Variants in TBCK observed in about 807,000 individuals in gnomAD.
TBCK encodes TBC1 domain containing kinase.
TBCK carries 99 observed loss-of-function variants against 113.4 expected under a neutral mutation model. The observed-to-expected ratio is 0.87, with a 90% CI of 0.74 to 1.03. The LOEUF is 1.03. TBCK is among the 50% of genes least tolerant of loss of function. TBCK has a pLI of 0.00. For synonymous variants in TBCK, 369 were observed against 370.8 expected, an observed-to-expected ratio of 1.00 and a Z score of 0.05; for missense variants, 1,045 against 1,061.3, an observed-to-expected ratio of 0.98 and a Z score of 0.21.
At chr4:106,075,009 G>A (rs1381333631) in intron 25 of TBCK, among the ~76,000 whole-genome samples, 1 of 152,210 alleles carries the variant, frequency 6.6e-6, no homozygotes, top group Non-Finnish European at 1.5e-5. Flanking sequence ...GCTTCCTGGG[G>A]TGAATAAGGT....
chr4:106,241,968 A>G (rs1760190988), intron 12 of TBCK, among the ~76,000 whole-genome samples: 1 of 151,942 alleles, frequency 6.6e-6, no homozygotes, highest in Non-Finnish European at 1.5e-5. Flanking sequence ...TTTCCATGAC[A>G]TACAGCTCAC....
At chr4:106,061,997 TG>T (rs1736110837) in intron 25 of TBCK, among the ~76,000 whole-genome samples, 1 of 151,818 alleles carries the variant, frequency 6.6e-6, no homozygotes. Context: ...ATGGCATTTA[TG>T]TGGAACACTT....
At chr4:106,282,504 AT>A (rs549436331) in intron 3 of TBCK, among the ~76,000 whole-genome samples, 3 of 149,634 alleles carry the variant, frequency 2.0e-5, no homozygotes, top group Admixed American at 1.3e-4. Flanking sequence ...ATATTCTTTG[AT>A]TTTTTTTAAC....
Position 106,046,692 on chromosome 4 carries a change from AAG to A in TBCK, c.2572-14_2572-13del, listed in dbSNP as rs1435132262. ...AGGTGAGCTGCAAACTGGAAAAAAA[AAG>A]AGGCAAAATTTTTAGAGGATATACA... On this transcript the variant is annotated splice_polypyrimidine_tract_variant and intron_variant, in intron 25 of 25. Transcript: ENST00000394708. 6.6e-7 allele frequency: 1 copy of A among 1,511,270 alleles called. No individual in the cohort carries two copies. The highest frequency in any genetic ancestry group is 9.2e-7 in the Non-Finnish European group (1 of 1,091,806). 93.6% of individuals were successfully genotyped at this position (1,511,270 alleles called of 1,614,324 possible). A position where few individuals can be genotyped will look rare whatever the true frequency, so the allele number is the denominator to read the frequency against.
chr4:106,174,536 T>G (rs73838130), intron 22 of TBCK, among the ~76,000 whole-genome samples: 2,774 of 152,236 alleles, frequency 0.018, 78 homozygotes, highest in African/African-American at 0.061. Context: ...ATCCCTGTAT[T>G]ATGAAATTTC....
intron 25 of TBCK, among the ~76,000 whole-genome samples, chr4:106,052,796 C>A (rs1179803343): frequency 1.3e-5 from 2 of 151,498 alleles, no homozygotes; most frequent in Non-Finnish European, 3.0e-5. Flanking sequence ...AAAGGTATAA[C>A]GAGCTGCTAG....
Position 106,294,767 on chromosome 4 carries a change from C to CA in TBCK, c.266+326dup, listed in dbSNP as rs1314436703. On this transcript the variant is annotated intron_variant, in intron 3 of 25. Coordinates refer to ENST00000394708, the MANE Select transcript of TBCK (RefSeq NM_001163435.3). ...AAGTGCTGGCATTACAGGCGTGAGC[C>CA]ACCACGCCTGGCCAGGAAAATAATC... Among the ~76,000 whole-genome samples the CA allele has an allele frequency of 4.6e-5, 7 of 152,132 alleles. No homozygotes were observed. In the East Asian group the frequency reaches 1.4e-3, roughly 30 times the overall value.
At chr4:106,311,200 TACACAC>T (rs36011277) in intron 1 of TBCK, among the ~76,000 whole-genome samples, 13,380 of 138,134 alleles carry the variant, frequency 0.097, 819 homozygotes, top group East Asian at 0.22. Flanking sequence ...CAGAAACTCC[TACACAC>T]ACACACACAC....
chr4:106,048,852 G>A (rs1734494847), intron 25 of TBCK, among the ~76,000 whole-genome samples: 1 of 152,112 alleles, frequency 6.6e-6, no homozygotes, highest in Non-Finnish European at 1.5e-5. Context: ...CTGCTACTGA[G>A]CTGGAAAATG....
At chr4:106,147,012 A>G (rs115909484) in intron 23 of TBCK, among the ~76,000 whole-genome samples, 1 of 152,170 alleles carries the variant, frequency 6.6e-6, no homozygotes, top group Middle Eastern at 3.2e-3. Context: ...TTTTTTGCTC[A>G]TTCTTAAGAA....
At chr4:106,237,444 T>C (rs921931769) in intron 12 of TBCK, 2 of 454,034 alleles carry the variant, frequency 4.4e-6, no homozygotes, top group Non-Finnish European at 8.9e-6. Context: ...TAAAGTAAAA[T>C]GTTAACCACA....
At chr4:106,243,818 A>T (rs1214361205) in intron 11 of TBCK, among the ~76,000 whole-genome samples, 2 of 152,000 alleles carry the variant, frequency 1.3e-5, no homozygotes, top group Admixed American at 1.3e-4. Context: ...CTGCCTGAGT[A>T]GCTAGGACTA....
chr4:106,198,320 G>GT (rs1168654797), intron 20 of TBCK, among the ~76,000 whole-genome samples: 1 of 152,098 alleles, frequency 6.6e-6, no homozygotes, highest in East Asian at 1.9e-4. Flanking sequence ...TTTGTAAACA[G>GT]TAACAACCTG....
Position 106,251,949 on chromosome 4 carries a change from G to A in TBCK, c.514C>T (p.His172Tyr), listed in dbSNP as rs531903688. 1 of 1,611,964 alleles carries A rather than the reference G, an allele frequency of 6.2e-7. No homozygotes were observed. Among genetic ancestry groups the A allele is most frequent in the African/African-American group, 1.3e-5 (1 of 74,952 alleles). Residue 172 changes from histidine (H) to tyrosine (Y), a missense_variant, in exon 6 of 26, where the codon CAC becomes TAC. Coordinates refer to ENST00000394708, the MANE Select transcript of TBCK (RefSeq NM_001163435.3). Reference sequence around the variant, plus strand: ...GGCAATGGTTTTTTACTTGGCATGTGATCAGTGGTTTTGAAAATTCCCTGT... The same window carrying A: ...GGCAATGGTTTTTTACTTGGCATGTAATCAGTGGTTTTGAAAATTCCCTGT... ...IAQGIFKTTD[H>Y]MPSKKPLPSG...
chr4:106,055,031 A>G (rs1735224984), intron 25 of TBCK, among the ~76,000 whole-genome samples: 1 of 151,710 alleles, frequency 6.6e-6, no homozygotes, highest in Non-Finnish European at 1.5e-5. Flanking sequence ...ATGTTACTAT[A>G]TGTAACATAT....
chr4:106,316,543 C>T, upstream of TBCK: 1 of 1,551,576 alleles, frequency 6.4e-7, no homozygotes, highest in Non-Finnish European at 8.7e-7. Context: ...GGTGGCTGGA[C>T]CTACATGCTT....
At chr4:106,302,408 G>T (rs982577281) in intron 2 of TBCK, among the ~76,000 whole-genome samples, 1 of 152,152 alleles carries the variant, frequency 6.6e-6, no homozygotes, top group Non-Finnish European at 1.5e-5. Context: ...AAATAAGGAA[G>T]AATACTCCCC....
At chr4:106,229,071 T>C (rs1009767300) in intron 19 of TBCK, among the ~76,000 whole-genome samples, 9 of 152,112 alleles carry the variant, frequency 5.9e-5, no homozygotes, top group Admixed American at 2.0e-4. Flanking sequence ...TCAAATCTTT[T>C]GCCCTTTTTA....
chr4:106,247,379 T>A, intron 9 of TBCK, 92 bp from the exon 10 acceptor site: 2 of 1,169,570 alleles, frequency 1.7e-6, no homozygotes, highest in Non-Finnish European at 2.5e-6. Flanking sequence ...ATAAAAGTCT[T>A]AAATACCTCA....
Sources: allele counts gnomAD v4.1 joint callset (sites outside exome capture counted in the v4.1 genomes callset), GRCh38; gene constraint gnomAD v4.1.1; transcripts MANE v1.5; gene names NCBI Gene and HGNC (gene_info 2026-07-23, HGNC 2026-07-21).